The following AIFM2 variants were observed in gnomAD, a reference collection of about 807,000 sequenced individuals.
The protein encoded by AIFM2 is AIF family member 2, ferroptosis suppressor.
A neutral mutation model predicts 35.7 loss-of-function variants in AIFM2; 38 were observed. That is an observed-to-expected ratio of 1.06 (90% CI 0.82 to 1.39). AIFM2 has a LOEUF of 1.39. Among genes scored for constraint, AIFM2 ranks in the 40% most tolerant of loss-of-function variants. AIFM2 has a pLI of 0.00. For missense variants in AIFM2, 476 were observed against 491.2 expected (o/e 0.97, Z 0.29); for synonymous variants, 185 against 203.5 (o/e 0.91, Z 0.77).
In AIFM2 at chr10:70,114,270, AG is replaced by A; in HGVS notation, c.1029del (p.Phe344SerfsTer10). On this transcript the variant is annotated frameshift_variant, in exon 9 of 9. Coordinates refer to ENST00000307864, the MANE Select transcript of AIFM2 (RefSeq NM_032797.6). LOFTEE classifies it high-confidence loss of function. ...GRNDGVGQIS[G>X]FYVGRLMVRL... ...CGAACCATGAGCCGGCCCACATAGA[AG>A]CCACTGATTTGGCCCACACCGTCAT... The A allele has an allele frequency of 6.2e-7, 1 of 1,613,928 alleles. No individual in the cohort carries two copies. Among genetic ancestry groups the A allele is most frequent in the Non-Finnish European group, 8.5e-7 (1 of 1,179,988 alleles).
At chr10:70,124,942 T>G (rs1343287271) in intron 1 of AIFM2, among the ~76,000 whole-genome samples, 1 of 152,130 alleles carries the variant, frequency 6.6e-6, no homozygotes, top group African/African-American at 2.4e-5. Context: ...AGGTGGGGCC[T>G]AATCGGAGGT....
At chr10:70,119,067 G>GT (rs1166742341) in intron 5 of AIFM2, among the ~76,000 whole-genome samples, 1 of 152,126 alleles carries the variant, frequency 6.6e-6, no homozygotes, top group Non-Finnish European at 1.5e-5. Context: ...AAAGTACAGG[G>GT]TTCAGAGAGC....
At chr10:70,116,917 C>T in intron 6 of AIFM2, 143 bp from the exon 7 acceptor site, 1 of 969,822 alleles carries the variant, frequency 1.0e-6, no homozygotes, top group South Asian at 1.5e-5. Context: ...CCCACCATGC[C>T]CCTCCCTCAG....
chr10:70,129,897 A>AAC (rs2072609632), intron 1 of AIFM2, among the ~76,000 whole-genome samples: 2 of 151,824 alleles, frequency 1.3e-5, no homozygotes, highest in South Asian at 2.1e-4. Context: ...TTTAAAAAAA[A>AAC]AAAATGAGAT....
In AIFM2 at chr10:70,131,218, C is replaced by T. The variant is rs781363720; in HGVS notation, c.-14+1516G>A. On this transcript the variant is annotated intron_variant, in intron 1 of 8. Transcript: ENST00000307864. This position sits in a 1 kb window ranked among gnomAD's most constrained non-coding sequence, Gnocchi z 4.1. Reference sequence around the variant, plus strand: ...AAATAAAACACGATGCTTTTTGAGTCGTCATGGCTCACACAAAGGGTAGGT... The same window carrying T: ...AAATAAAACACGATGCTTTTTGAGTTGTCATGGCTCACACAAAGGGTAGGT... Among the ~76,000 whole-genome samples the T allele has an allele frequency of 4.4e-4, 67 of 152,184 alleles. No homozygotes were observed. Among genetic ancestry groups the T allele is most frequent in the Admixed American group, 4.1e-3 (62 of 15,284 alleles).
intron 8 of AIFM2, 64 bp downstream of exon 8, chr10:70,114,856 A>G: frequency 2.6e-6 from 4 of 1,553,390 alleles, no homozygotes; most frequent in Non-Finnish European, 3.5e-6. Context: ...ATAGCCCAAA[A>G]AGGCTTCCCC....
rs1021298504 is a variant in AIFM2 at position 70,113,277 on chromosome 10, C to G, written c.*901G>C. On this transcript the variant is annotated 3_prime_UTR_variant, in exon 9 of 9. Transcript: ENST00000307864. ...CAGTGGCTCACGCCTGGAATCCCAG[C>G]ACTTCGAGAGGCCAAGACGAATGGA... 2.6e-5 allele frequency: 4 copies of G among 152,278 alleles called. No individual in the cohort carries two copies. Among genetic ancestry groups the G allele is most frequent in the Non-Finnish European group, 5.9e-5 (4 of 68,076 alleles). The allele number at this position is 152,278 out of a possible 1,614,324, so 9.4% of individuals were successfully genotyped here.
chr10:70,115,025 C>T lies in AIFM2; in HGVS notation c.865G>A (p.Val289Met), dbSNP rs148682063. Residue 289 changes from valine (V) to methionine (M), a missense_variant, in exon 8 of 9, where the codon GTG becomes ATG. Coordinates refer to ENST00000307864, the MANE Select transcript of AIFM2 (RefSeq NM_032797.6). ...NVYAIGDCADVRTPKMAYLAG... is the reference protein window; with the variant it reads ...NVYAIGDCADMRTPKMAYLAG... ...AGATAGGCCATCTTGGGCGTCCTCA[C>T]GTCGGCACAGTCACCAATGGCGTAG... 2.1e-5 allele frequency: 34 copies of T among 1,614,202 alleles called. No homozygotes were observed. Among genetic ancestry groups the T allele is most frequent in the African/African-American group, 1.6e-4 (12 of 75,068 alleles).
In AIFM2 at chr10:70,131,174, A is replaced by T. The variant is rs1316496496; in HGVS notation, c.-14+1560T>A. Among the ~76,000 whole-genome samples the T allele has an allele frequency of 6.6e-6, 1 of 152,196 alleles. No individual in the cohort carries two copies. Among genetic ancestry groups the T allele is most frequent in the Non-Finnish European group, 1.5e-5 (1 of 68,030 alleles). ...AATGTCATCCCAGAGTTGCTCCAGT[A>T]TTGCTTCACAAATATTACAAATAAA... On this transcript the variant is annotated intron_variant, in intron 1 of 8. Transcript: ENST00000307864. This position sits in a 1 kb window ranked among gnomAD's most constrained non-coding sequence, Gnocchi z 4.1.
chr10:70,123,883 C>T (rs757113594), intron 2 of AIFM2, 24 bp downstream of exon 2: 1 of 1,511,268 alleles, frequency 6.6e-7, no homozygotes, highest in South Asian at 1.3e-5. Context: ...CTCACAGAGA[C>T]AGCCCCAGAC....
chr10:70,129,544 C>T (rs553448670), intron 1 of AIFM2, among the ~76,000 whole-genome samples: 14 of 152,088 alleles, frequency 9.2e-5, no homozygotes, highest in Admixed American at 3.3e-4. Flanking sequence ...CCCATATCTT[C>T]GATTTAAGGT....
At position 70,123,966 on chromosome 10, in the gene AIFM2, A is replaced by C; in HGVS notation, c.119T>G (p.Val40Gly). 6 of 1,612,102 alleles carry C rather than the reference A, an allele frequency of 3.7e-6. No individual in the cohort carries two copies. Among genetic ancestry groups the C allele is most frequent in the Non-Finnish European group, 5.1e-6 (6 of 1,178,880 alleles). Residue 40 changes from valine (V) to glycine (G), a missense_variant, in exon 2 of 9, where the codon GTG becomes GGG. Physicochemically the swap from Val to Gly is moderately radical, Grantham distance 109. Coordinates refer to ENST00000307864, the MANE Select transcript of AIFM2 (RefSeq NM_032797.6). Reference sequence around the variant, plus strand: ...GTGGTGGAAGGAGTCCTTCATGTCCACCAGCATGAAGGGGACGTTCAGGGC... The same window carrying C: ...GTGGTGGAAGGAGTCCTTCATGTCCCCCAGCATGAAGGGGACGTTCAGGGC... ...LQALNVPFML[V>G]DMKDSFHHNV...
chr10:70,128,941 G>T (rs1459039666), intron 1 of AIFM2, among the ~76,000 whole-genome samples: 1 of 152,074 alleles, frequency 6.6e-6, no homozygotes, highest in East Asian at 1.9e-4. Flanking sequence ...CTGCACTTCG[G>T]CCTGGGCAAC....
chr10:70,128,345 A>C (rs1273395287), intron 1 of AIFM2, among the ~76,000 whole-genome samples: 4 of 152,130 alleles, frequency 2.6e-5, no homozygotes, highest in Non-Finnish European at 5.9e-5. Context: ...TTGTTTTTAA[A>C]GGGTGAGTGA....
intron 2 of AIFM2, 123 bp downstream of exon 2, chr10:70,123,784 T>A: frequency 9.1e-7 from 1 of 1,099,156 alleles, no homozygotes; most frequent in Non-Finnish European, 1.3e-6. Context: ...CCAGAACTTG[T>A]CTGACAGTGG....
At chr10:70,127,093 C>A (rs1386402646) in intron 1 of AIFM2, among the ~76,000 whole-genome samples, 1 of 152,238 alleles carries the variant, frequency 6.6e-6, no homozygotes, top group Non-Finnish European at 1.5e-5. Flanking sequence ...GCAGTGCACA[C>A]CAGGAGCTGC....
chr10:70,126,197 G>A (rs1349186061), intron 1 of AIFM2, among the ~76,000 whole-genome samples: 1 of 152,252 alleles, frequency 6.6e-6, no homozygotes, highest in African/African-American at 2.4e-5. Context: ...ACCCTGAGAG[G>A]TGACAAGCAA....
chr10:70,130,063 G>A (rs1457717391), intron 1 of AIFM2, among the ~76,000 whole-genome samples: 2 of 152,076 alleles, frequency 1.3e-5, no homozygotes, highest in Non-Finnish European at 2.9e-5. Flanking sequence ...ACATGCCTGT[G>A]GTCCCTGATA....
intron 2 of AIFM2, 128 bp from the exon 3 acceptor site, chr10:70,123,648 G>T: frequency 2.3e-6 from 2 of 861,256 alleles, no homozygotes; most frequent in Non-Finnish European, 3.6e-6. Flanking sequence ...CGGGCCATTA[G>T]GTATGCCTGG....
Sources: gnomAD v4.1 joint callset for allele counts (sites outside exome capture counted in the v4.1 genomes callset) on GRCh38, gnomAD v4.1.1 for gene constraint, Gnocchi (gnomAD v3.1) non-coding constraint, MANE v1.5 for transcripts, NCBI Gene and HGNC (gene_info 2026-07-23, HGNC 2026-07-21) for gene names.